RIMKLB: variants seen among roughly 807,000 people sequenced by gnomAD.
The protein encoded by RIMKLB is ribosomal modification protein rimK like family member B, also known as beta-citrylglutamate synthase B.
In RIMKLB, 7 loss-of-function variants were observed where a neutral mutation model predicts 32.0. That is an observed-to-expected ratio of 0.22 (90% confidence interval 0.12 to 0.41). The LOEUF (loss-of-function observed/expected upper bound fraction) is 0.41. RIMKLB is among the 10% of genes least tolerant of loss of function. The pLI is 1.00. For synonymous variants in RIMKLB, 172 were observed against 185.1 expected, an observed-to-expected ratio of 0.93 and a Z score of 0.57; for missense variants, 289 against 498.7, an observed-to-expected ratio of 0.58 and a Z score of 4.00.
At chr12:8,720,808 G>A (rs1215196870) in intron 2 of RIMKLB, among the ~76,000 whole-genome samples, 1 of 152,134 alleles carries the variant, frequency 6.6e-6, no homozygotes, top group Admixed American at 6.5e-5. Flanking sequence ...CCAAAGTGCT[G>A]GGATTACAGG....
chr12:8,728,782 TGTGTGTTTTTG>T (rs1946267714), intron 2 of RIMKLB, among the ~76,000 whole-genome samples: 2 of 151,334 alleles, frequency 1.3e-5, no homozygotes, highest in African/African-American at 4.9e-5. Context: ...TGTGTGTGTG[TGTGTGTTTTTG>T]TTTGTTTGTT....
chr12:8,694,676 G>A (rs1942835087), upstream of RIMKLB, among the ~76,000 whole-genome samples: 1 of 152,288 alleles, frequency 6.6e-6, no homozygotes, highest in East Asian at 1.9e-4. Flanking sequence ...TTACAGGCAT[G>A]AGCCACCCTG....
In RIMKLB at chr12:8,773,814, T is replaced by G. The variant is rs766357392; in HGVS notation, c.*30T>G. On this transcript the variant is annotated 3_prime_UTR_variant, in exon 6 of 6. Coordinates refer to ENST00000535829, the MANE Select transcript of RIMKLB (RefSeq NM_001297776.2). ...ACTGGTAATTAACCAACAAAACCCT[T>G]GTAAAACTTTCTTTCTTCTTTTCTA... 7 of 1,564,472 alleles carry G rather than the reference T, an allele frequency of 4.5e-6. No individual in the cohort carries two copies. In the African/African-American group the frequency reaches 9.6e-5, roughly 21 times the overall value.
intron 1 of RIMKLB, among the ~76,000 whole-genome samples, chr12:8,690,373 C>T (rs866106513): frequency 2.0e-5 from 3 of 152,094 alleles, no homozygotes; most frequent in Non-Finnish European, 2.9e-5. Context: ...TTATTTTTCA[C>T]GTTAGTAAAT....
At position 8,776,016 on chromosome 12, in the gene RIMKLB, TAATTA is replaced by T. The variant is rs1331081246; in HGVS notation, c.*2238_*2242del. 1 of 984,110 alleles carries T rather than the reference TAATTA, an allele frequency of 1.0e-6. No homozygotes were observed. The highest frequency in any genetic ancestry group is 1.2e-6 in the Non-Finnish European group (1 of 828,856). 61.0% of individuals were successfully genotyped at this position (984,110 alleles called of 1,614,324 possible). On this transcript the variant is annotated 3_prime_UTR_variant, in exon 6 of 6. Coordinates refer to ENST00000535829, the MANE Select transcript of RIMKLB (RefSeq NM_001297776.2). ...AATAAATGAGGAAGAAAGAACTGCT[TAATTA>T]AATTATCATTCATATGTTCATATAG...
intron 5 of RIMKLB, among the ~76,000 whole-genome samples, chr12:8,757,817 T>C (rs1235217928): frequency 6.6e-6 from 1 of 152,234 alleles, no homozygotes; most frequent in Admixed American, 6.5e-5. Flanking sequence ...CTCTACTAGA[T>C]ATTGCCAAAT....
intron 2 of RIMKLB, among the ~76,000 whole-genome samples, chr12:8,723,804 C>CTTTTTTTTTTTTTTTT (rs35269536): frequency 1.6e-4 from 12 of 75,522 alleles, no homozygotes; most frequent in African/African-American, 6.4e-4. Context: ...CTTCAGTTCC[C>CTTTTTTTTTTTTTTTT]TTTTTTTTTT....
At position 8,773,696 on chromosome 12, in the gene RIMKLB, C is replaced by T. The variant is rs188393703; in HGVS notation, c.1073C>T (p.Thr358Met). 1,659 of 1,614,242 alleles carry T rather than the reference C, an allele frequency of 1.0e-3. 10 individuals are homozygous for T. Among genetic ancestry groups the T allele is most frequent in the Middle Eastern group, 8.9e-3 (54 of 6,060 alleles). ...TCTGTTGACAGCGACCCTGAAAGCA[C>T]GGAGCGAGAGCTGCTCACCAAGCTC... ...SSSVDSDPESTERELLTKLPG... is the reference protein window; with the variant it reads ...SSSVDSDPESMERELLTKLPG... Residue 358 changes from threonine (T) to methionine (M), a missense_variant, in exon 6 of 6, where the codon ACG (threonine) becomes ATG (methionine). By Grantham distance (81) the Thr-to-Met change is moderately conservative. This residue lies in a region of RIMKLB where 99 missense variants were observed against 133.9 expected (regional missense o/e 0.74). Transcript: ENST00000535829.
intron 2 of RIMKLB, among the ~76,000 whole-genome samples, chr12:8,716,400 T>C (rs1284074220): frequency 2.0e-5 from 3 of 150,612 alleles, no homozygotes; most frequent in African/African-American, 7.3e-5. Flanking sequence ...ATCACCTTTC[T>C]CCCATTAACC....
chr12:8,757,530 G>A (rs1009758706), intron 5 of RIMKLB, among the ~76,000 whole-genome samples: 3 of 150,814 alleles, frequency 2.0e-5, no homozygotes, highest in Non-Finnish European at 4.4e-5. Flanking sequence ...AGGTATAAAG[G>A]ATTCCTTTGC....
In RIMKLB at chr12:8,773,603, A is replaced by G. The variant is rs1950564890; in HGVS notation, c.980A>G (p.Glu327Gly). 2 of 1,614,212 alleles carry G rather than the reference A, an allele frequency of 1.2e-6. No individual in the cohort carries two copies. The highest frequency in any genetic ancestry group is 1.7e-6 in the Non-Finnish European group (2 of 1,180,050). The change falls in exon 6 of 6, where the codon GAG becomes GGG. Residue 327 changes from glutamate (E) to glycine (G), a missense_variant. Glu to Gly is a moderately conservative substitution (Grantham distance 98, BLOSUM62 -2). Coordinates refer to ENST00000535829, the MANE Select transcript of RIMKLB (RefSeq NM_001297776.2). ...SLLSVVSTASETSEPELGPPA... is the reference protein window; with the variant it reads ...SLLSVVSTASGTSEPELGPPA... Reference sequence around the variant, plus strand: ...CTCTCCGTGGTGTCCACTGCCAGTGAGACTAGTGAGCCGGAGCTGGGTCCC... The same window carrying G: ...CTCTCCGTGGTGTCCACTGCCAGTGGGACTAGTGAGCCGGAGCTGGGTCCC...
chr12:8,697,040 A>AT (rs765656447), upstream of RIMKLB: 154 of 151,844 alleles, frequency 1.0e-3, no homozygotes, highest in African/African-American at 3.5e-3. Context: ...CTATACTTTT[A>AT]TTTTTTATAC....
chr12:8,765,952 G>A (rs765632446), intron 5 of RIMKLB, among the ~76,000 whole-genome samples: 1 of 151,894 alleles, frequency 6.6e-6, no homozygotes, highest in South Asian at 2.1e-4. Flanking sequence ...TACTTCCGTC[G>A]GGAGGCCAGG....
chr12:8,683,615 TA>T (rs1942479302), intron 1 of RIMKLB, among the ~76,000 whole-genome samples: 1 of 152,240 alleles, frequency 6.6e-6, no homozygotes, highest in Non-Finnish European at 1.5e-5. Flanking sequence ...TTGTTGTTTT[TA>T]ATTGTTCTTG....
intron 2 of RIMKLB, among the ~76,000 whole-genome samples, chr12:8,717,257 A>G (rs1944953807): frequency 6.6e-6 from 1 of 151,932 alleles, no homozygotes; most frequent in African/African-American, 2.4e-5. Context: ...AATACTAAAA[A>G]CCACAGTTCT....
At chr12:8,691,494 C>G (rs1226938939) in intron 1 of RIMKLB, among the ~76,000 whole-genome samples, 1 of 151,960 alleles carries the variant, frequency 6.6e-6, no homozygotes, top group Non-Finnish European at 1.5e-5. Flanking sequence ...CCTGTAATCC[C>G]AGCTACTCCG....
chr12:8,756,705 T>C (rs1286132384), intron 5 of RIMKLB, among the ~76,000 whole-genome samples: 2 of 145,736 alleles, frequency 1.4e-5, no homozygotes, highest in Admixed American at 6.9e-5. Flanking sequence ...TTTTTTTTTT[T>C]TTTTCTGATG....
intron 2 of RIMKLB, chr12:8,742,462 T>C: frequency 2.5e-6 from 1 of 400,348 alleles, no homozygotes; most frequent in Non-Finnish European, 4.9e-6. Context: ...AAAGAGCACA[T>C]GGAGGAGGAG....
At chr12:8,753,770 T>TAA in intron 4 of RIMKLB, 120 bp from the exon 5 acceptor site, 3 of 719,646 alleles carry the variant, frequency 4.2e-6, no homozygotes, top group Non-Finnish European at 6.8e-6. Context: ...AAAGAAAACT[T>TAA]AAAAAAAAAA....
Sources: gnomAD v4.1 joint callset for allele counts (sites outside exome capture counted in the v4.1 genomes callset) on GRCh38, gnomAD v4.1.1 for gene constraint, gnomAD v4.1.1 regional missense constraint, MANE v1.5 for transcripts, NCBI Gene and HGNC (gene_info 2026-07-23, HGNC 2026-07-21) for gene names.